Variants in THADA observed in about 807,000 individuals in gnomAD.
THADA encodes tRNA (32-2'-O)-methyltransferase regulator THADA.
Under a neutral mutation model 219.8 loss-of-function variants are expected in THADA, and 213 were observed. That is an observed-to-expected ratio of 0.97 (90% CI 0.87 to 1.09). The LOEUF (loss-of-function observed/expected upper bound fraction) is 1.09. THADA is among the 50% of genes least tolerant of loss of function. The pLI, the probability that THADA is intolerant of heterozygous loss-of-function variation, is 0.00. For missense variants in THADA, 2,956 were observed against 2,311.3 expected, an observed-to-expected ratio of 1.28 and a Z score of -5.72; for synonymous variants, 1,018 against 828.9, an observed-to-expected ratio of 1.23 and a Z score of -3.92.
chr2:43,243,019 G>A (rs934833921), intron 36 of THADA, among the ~76,000 whole-genome samples: 1 of 152,174 alleles, frequency 6.6e-6, no homozygotes, highest in Non-Finnish European at 1.5e-5. Context: ...TATACTGGAG[G>A]GTAGAAGTGA....
At chr2:43,270,676 A>C (rs1672018331) in intron 36 of THADA, among the ~76,000 whole-genome samples, 1 of 152,062 alleles carries the variant, frequency 6.6e-6, no homozygotes, top group African/African-American at 2.4e-5. Flanking sequence ...CAACTCTCTG[A>C]ACTTCTGCAT....
chr2:43,562,015 T>G (rs1254327763), intron 15 of THADA, among the ~76,000 whole-genome samples: 1 of 152,234 alleles, frequency 6.6e-6, no homozygotes, highest in Non-Finnish European at 1.5e-5. Flanking sequence ...ACATGGTATT[T>G]CCATTTTCAT....
At chr2:43,440,308 T>C (rs1315697460) in intron 26 of THADA, among the ~76,000 whole-genome samples, 5 of 152,218 alleles carry the variant, frequency 3.3e-5, no homozygotes, top group Non-Finnish European at 4.4e-5. Flanking sequence ...GAGTAATCTA[T>C]TGCATGATTG....
At chr2:43,381,165 G>C (rs949674988) in intron 29 of THADA, among the ~76,000 whole-genome samples, 5 of 149,412 alleles carry the variant, frequency 3.3e-5, no homozygotes, top group African/African-American at 1.2e-4. Context: ...CATGTCAAAG[G>C]CACCCAGGAG....
chr2:43,552,649 T>C (rs1406555059), intron 17 of THADA, among the ~76,000 whole-genome samples: 1 of 151,978 alleles, frequency 6.6e-6, no homozygotes, highest in Non-Finnish European at 1.5e-5. Context: ...CAGATGGCTT[T>C]CAAATTAAAA....
rs1347702538 is a variant in THADA, at chr2:43,484,951, AAAC to A, written c.3836+280_3836+282del. Among the ~76,000 whole-genome samples, 53 of 150,902 alleles carry A rather than the reference AAAC, an allele frequency of 3.5e-4. 1 individual carries two copies. Among genetic ancestry groups the A allele is most frequent in the African/African-American group, 1.2e-3 (48 of 40,658 alleles). On this transcript the variant is annotated intron_variant, in intron 26 of 37. Coordinates refer to ENST00000405975, the MANE Select transcript of THADA (RefSeq NM_022065.5). ...AAAGAAGATGCAATTAAAAAAAAAA[AAAC>A]AAAAAAAACACTAGCTTTTGCATGG...
At chr2:43,244,235 C>T (rs1365197968) in intron 36 of THADA, among the ~76,000 whole-genome samples, 1 of 152,074 alleles carries the variant, frequency 6.6e-6, no homozygotes, top group African/African-American at 2.4e-5. Flanking sequence ...ACATACTTCA[C>T]CAAAAAGGGA....
intron 29 of THADA, among the ~76,000 whole-genome samples, chr2:43,389,398 C>T (rs1356462303): frequency 6.6e-6 from 1 of 152,174 alleles, no homozygotes; most frequent in Non-Finnish European, 1.5e-5. Context: ...GGCAGGGGGA[C>T]CACTTGAGCC....
At chr2:43,561,044 G>C (rs1337710059) in intron 15 of THADA, among the ~76,000 whole-genome samples, 1 of 139,646 alleles carries the variant, frequency 7.2e-6, no homozygotes, top group African/African-American at 2.6e-5. Context: ...AAAAAGCAAA[G>C]TCCTACCATA....
chr2:43,577,769 A>C (rs1466193558), intron 9 of THADA, among the ~76,000 whole-genome samples: 1 of 151,974 alleles, frequency 6.6e-6, no homozygotes, highest in Non-Finnish European at 1.5e-5. Flanking sequence ...TGAACAATTG[A>C]CTCTATCTAG....
chr2:43,338,152 A>C (rs932542938), intron 30 of THADA, among the ~76,000 whole-genome samples: 2 of 147,120 alleles, frequency 1.4e-5, no homozygotes, highest in African/African-American at 5.0e-5. Flanking sequence ...AAATCACCAG[A>C]ACTTTTTTTT....
chr2:43,437,852 A>C (rs1185382856), intron 26 of THADA, among the ~76,000 whole-genome samples: 1 of 152,218 alleles, frequency 6.6e-6, no homozygotes, highest in African/African-American at 2.4e-5. Context: ...GTATATATAT[A>C]TCTAAGAATT....
intron 28 of THADA, chr2:43,408,300 T>A (rs1361391715): frequency 6.6e-6 from 1 of 152,212 alleles, no homozygotes; most frequent in African/African-American, 2.4e-5. Flanking sequence ...AGTATAGTAT[T>A]GATTTTGTGC....
rs752200498 is a variant in THADA, at chr2:43,551,799, G to A, written c.2937C>T (p.Asp979=). ...TCTTCATTTGCTAACCTGAATCAGTGTCCATTGGGATGAGGCCTTCAGGGG... is the reference window on the plus strand; with the variant it reads ...TCTTCATTTGCTAACCTGAATCAGTATCCATTGGGATGAGGCCTTCAGGGG... ...SSSPEGLIPM[D]TDSESASRLQ... The change falls in exon 19 of 38, where the codon GAC becomes GAT. Residue 979 remains aspartate, a synonymous_variant. Transcript: ENST00000405975. 1 of 1,612,984 alleles carries A rather than the reference G, an allele frequency of 6.2e-7. No homozygotes were observed. Among genetic ancestry groups the A allele is most frequent in the South Asian group, 1.1e-5 (1 of 90,922 alleles).
chr2:43,548,038 T>A (rs1282342592), intron 20 of THADA, among the ~76,000 whole-genome samples: 10 of 152,034 alleles, frequency 6.6e-5, no homozygotes, highest in Non-Finnish European at 1.5e-4. Context: ...TACAGATGGG[T>A]TTTTGGTGTG....
rs371451341 is a variant in THADA at position 43,352,561 on chromosome 2, T to A, written c.4228-8324A>T. ...TGACAGAGTGAGACTAAAAAAAAAA[T>A]AATAATAATAATAAAAAAATGCAGA... On this transcript the variant is annotated intron_variant, in intron 29 of 37. Coordinates refer to ENST00000405975, the MANE Select transcript of THADA (RefSeq NM_022065.5). Among the ~76,000 whole-genome samples, 266 of 151,416 alleles carry A rather than the reference T, an allele frequency of 1.8e-3. 6 individuals carry two copies. The East Asian group carries it at 0.035, about 20-fold the overall frequency.
chr2:43,276,612 G>A (rs1191137000), intron 36 of THADA, among the ~76,000 whole-genome samples: 2 of 152,178 alleles, frequency 1.3e-5, no homozygotes, highest in Admixed American at 6.5e-5. Flanking sequence ...AAGGAGCACT[G>A]GAGATCCCAG....
intron 28 of THADA, among the ~76,000 whole-genome samples, chr2:43,403,726 A>T (rs1474827312): frequency 6.6e-6 from 1 of 152,154 alleles, no homozygotes. Flanking sequence ...GATGAAAAGG[A>T]CCATCCACTT....
chr2:43,278,980 C>G (rs536025842), intron 36 of THADA, among the ~76,000 whole-genome samples: 3 of 152,180 alleles, frequency 2.0e-5, no homozygotes, highest in African/African-American at 7.2e-5. Context: ...TCCTGGCACC[C>G]AGCCCCAAGC....
Sources: gnomAD v4.1 joint callset for allele counts (sites outside exome capture counted in the v4.1 genomes callset) on GRCh38, gnomAD v4.1.1 for gene constraint, MANE v1.5 for transcripts, NCBI Gene and HGNC (gene_info 2026-07-23, HGNC 2026-07-21) for gene names.